Variants in CACNG6 observed in about 807,000 individuals in gnomAD.
The protein encoded by CACNG6 is voltage-dependent calcium channel gamma-6 subunit.
CACNG6 carries 21 observed loss-of-function variants against 23.9 expected under a neutral mutation model. That is an observed-to-expected ratio of 0.88 (90% confidence interval 0.62 to 1.26). CACNG6 has a LOEUF of 1.26. CACNG6 is among the 50% of genes most tolerant of loss of function. CACNG6 has a pLI of 0.00. For synonymous variants in CACNG6, 182 were observed against 168.9 expected (o/e 1.08, Z -0.60); for missense variants, 340 against 352.9 (o/e 0.96, Z 0.29).
In CACNG6 at chr19:53,999,669, G is replaced by T. The variant is rs1242438641; in HGVS notation, c.442G>T (p.Gly148Cys). ...NLAAAVIAVL[G>C]LAVMALGCLC... ...GGCAGCTGCGGTGATAGCAGTGCTG[G>T]GCCTGGCAGTCATGGCCTTGGGGTG... Residue 148 changes from glycine to cysteine, a missense_variant, in exon 3 of 4, where the codon GGC becomes TGC. Transcript: ENST00000252729. 6.2e-7 allele frequency: 1 copy of T among 1,613,998 alleles called. No homozygotes were observed. The highest frequency in any genetic ancestry group is 1.6e-4 in the Middle Eastern group (1 of 6,062).
chr19:54,007,332 C>T (rs1228006005), intron 3 of CACNG6, among the ~76,000 whole-genome samples: 1 of 152,190 alleles, frequency 6.6e-6, no homozygotes, highest in African/African-American at 2.4e-5. Context: ...TGAGCCACTG[C>T]ACCCAGCCTT....
chr19:54,008,087 G>A (rs1041854917), intron 3 of CACNG6, among the ~76,000 whole-genome samples: 2 of 152,162 alleles, frequency 1.3e-5, no homozygotes, highest in African/African-American at 2.4e-5. Flanking sequence ...GGCTGGGCAC[G>A]GTGGCTCAGG....
intron 1 of CACNG6, among the ~76,000 whole-genome samples, chr19:53,996,863 ATTTTTTTT>A (rs35192974): frequency 1.0e-5 from 1 of 98,570 alleles, no homozygotes; most frequent in East Asian, 2.9e-4. Flanking sequence ...GATCTTTGGG[ATTTTTTTT>A]TTTTTTTTTT....
At chr19:54,002,290 T>TTG (rs1365790481) in intron 3 of CACNG6, among the ~76,000 whole-genome samples, 2 of 144,896 alleles carry the variant, frequency 1.4e-5, no homozygotes, top group Admixed American at 6.9e-5. Flanking sequence ...TTTTGTTTTT[T>TTG]TTTTTTTTGT....
intron 1 of CACNG6, 106 bp from the exon 2 acceptor site, chr19:53,998,133 C>A: frequency 1.1e-6 from 1 of 909,974 alleles, no homozygotes; most frequent in Non-Finnish European, 1.7e-6. Context: ...ATCAGGGATG[C>A]TGATGTCCAA....
intron 2 of CACNG6, among the ~76,000 whole-genome samples, chr19:53,998,688 T>A (rs2145956823): frequency 6.6e-6 from 1 of 152,090 alleles, no homozygotes; most frequent in African/African-American, 2.4e-5. Flanking sequence ...ATTTTTATAT[T>A]TTTAGTAGAG....
chr19:54,007,753 T>C (rs1170130585), intron 3 of CACNG6, among the ~76,000 whole-genome samples: 2 of 94,572 alleles, frequency 2.1e-5, no homozygotes, highest in Non-Finnish European at 4.2e-5. Context: ...ATGAAATAAT[T>C]AGCCATGGCA....
intron 3 of CACNG6, among the ~76,000 whole-genome samples, chr19:54,005,959 G>A (rs170092): frequency 0.74 from 111,523 of 150,710 alleles, 41,693 homozygotes; most frequent in East Asian, 0.96. Flanking sequence ...GCGTGGCGGC[G>A]GGTGCCTGTA....
intron 3 of CACNG6, among the ~76,000 whole-genome samples, chr19:54,008,160 C>T (rs1324930954): frequency 6.6e-6 from 1 of 152,018 alleles, no homozygotes; most frequent in Non-Finnish European, 1.5e-5. Flanking sequence ...TGAGACCAGC[C>T]TGGCCAACAC....
At chr19:54,004,611 AG>A (rs2069618815) in intron 3 of CACNG6, among the ~76,000 whole-genome samples, 1 of 152,134 alleles carries the variant, frequency 6.6e-6, no homozygotes, top group African/African-American at 2.4e-5. Flanking sequence ...CATGGTGGCA[AG>A]GCCTCGCGCG....
At position 54,002,284 on chromosome 19, in the gene CACNG6, GT is replaced by G. The variant is rs139176353; in HGVS notation, c.544+2527del. 1.4e-3 allele frequency among the ~76,000 whole-genome samples: 168 copies of G among 117,392 alleles called. 2 individuals carry two copies. The highest frequency in any genetic ancestry group is 4.2e-3 in the Middle Eastern group (1 of 238). 77.0% of individuals were successfully genotyped at this position (117,392 alleles called of 152,430 possible). Reference sequence around the variant, plus strand: ...AATTTTCGGTTTTTTTGTTTTTTTTGTTTTTTTTTTTTTTGTAGAGATAGGG... The same window carrying G: ...AATTTTCGGTTTTTTTGTTTTTTTTGTTTTTTTTTTTTTGTAGAGATAGGG... On this transcript the variant is annotated intron_variant, in intron 3 of 3. Coordinates refer to ENST00000252729, the MANE Select transcript of CACNG6 (RefSeq NM_145814.2).
At chr19:53,997,443 G>A (rs2069531841) in intron 1 of CACNG6, among the ~76,000 whole-genome samples, 1 of 151,148 alleles carries the variant, frequency 6.6e-6, no homozygotes. Flanking sequence ...TTTTTCTGGA[G>A]TTATACCCTG....
At chr19:54,011,223 T>C (rs373055443) in intron 3 of CACNG6, among the ~76,000 whole-genome samples, 26,257 of 106,732 alleles carry the variant, frequency 0.25, 4,294 homozygotes, top group East Asian at 0.39. Flanking sequence ...TATATATATA[T>C]ATATACACAC....
chr19:54,004,402 A>T (rs929621620), intron 3 of CACNG6, among the ~76,000 whole-genome samples: 1 of 139,666 alleles, frequency 7.2e-6, no homozygotes, highest in Non-Finnish European at 1.5e-5. Flanking sequence ...TTTAGTAGAG[A>T]TGGGCTTTCT....
rs760644366 is a variant in CACNG6 at position 54,012,172 on chromosome 19, G to C, written c.766G>C (p.Gly256Arg). ...CTGGGGGTCCCTCTGTCCCAAGCGG[G>C]GGCACCGGGCCACCTAGAGCCACGC... Reference protein sequence around the residue: ...WPWGSLCPKRGHRAT With the variant: ...WPWGSLCPKRRHRAT The change falls in exon 4 of 4, where the codon GGG becomes CGG. Residue 256 changes from glycine (G) to arginine (R), a missense_variant. Gly to Arg is a moderately radical substitution (Grantham distance 125). Coordinates refer to ENST00000252729, the MANE Select transcript of CACNG6 (RefSeq NM_145814.2). The C allele has an allele frequency of 2.1e-6, 3 of 1,427,618 alleles. No homozygotes were observed. The highest frequency in any genetic ancestry group is 1.9e-4 in the Middle Eastern group (1 of 5,304). The allele number at this position is 1,427,618 out of a possible 1,614,324, so 88.4% of individuals were successfully genotyped here.
chr19:54,011,811 T>C (rs185847793), intron 3 of CACNG6, 140 bp from the exon 4 acceptor site: 3 of 418,422 alleles, frequency 7.2e-6, no homozygotes, highest in East Asian at 3.5e-5. Context: ...TGCTATATAG[T>C]AGGTGTTTAG....
At chr19:53,997,115 C>T (rs1984692046) in intron 1 of CACNG6, among the ~76,000 whole-genome samples, 1 of 152,074 alleles carries the variant, frequency 6.6e-6, no homozygotes, top group Admixed American at 6.6e-5. Context: ...AGTGATTCTC[C>T]TGCCTCGGCC....
At chr19:54,002,689 A>G (rs1048443281) in intron 3 of CACNG6, among the ~76,000 whole-genome samples, 1 of 152,134 alleles carries the variant, frequency 6.6e-6, no homozygotes, top group African/African-American at 2.4e-5. Context: ...GGGGGTGCAC[A>G]GGAAACTGTT....
At chr19:54,010,040 C>CTTTTT (rs34229634) in intron 3 of CACNG6, among the ~76,000 whole-genome samples, 82 of 125,310 alleles carry the variant, frequency 6.5e-4, no homozygotes, top group South Asian at 1.2e-3. Flanking sequence ...TCTTTTCTTT[C>CTTTTT]TTTTTTTTTT....
Sources: allele counts gnomAD v4.1 joint callset (sites outside exome capture counted in the v4.1 genomes callset), GRCh38; gene constraint gnomAD v4.1.1; transcripts MANE v1.5; gene names NCBI Gene and HGNC (gene_info 2026-07-23, HGNC 2026-07-21).